The following SDK1 variants were observed in gnomAD, a reference collection of about 807,000 sequenced individuals.
SDK1 encodes protein sidekick-1.
Under a neutral mutation model 245.5 loss-of-function variants are expected in SDK1, and 157 were observed. That is an observed-to-expected ratio of 0.64 (90% CI 0.56 to 0.73). The LOEUF (loss-of-function observed/expected upper bound fraction) is 0.73, where lower values mean the gene tolerates loss of function less well. SDK1 is among the 30% of genes least tolerant of loss of function. The probability of loss-of-function intolerance (pLI) is 0.00; values close to 1 mark genes in which losing one functional copy is unlikely to be tolerated. For synonymous variants in SDK1, 1,647 were observed against 1,278.5 expected, an observed-to-expected ratio of 1.29 and a Z score of -6.15; for missense variants, 3,583 against 3,002.3, an observed-to-expected ratio of 1.19 and a Z score of -4.52.
At chr7:4,133,182 G>A (rs912521615) in intron 28 of SDK1, among the ~76,000 whole-genome samples, 18 of 152,260 alleles carry the variant, frequency 1.2e-4, no homozygotes, top group Middle Eastern at 3.4e-3. Context: ...CCTGGGTCCC[G>A]GGGAACGCGT....
chr7:3,600,000 C>G (rs1249761723), intron 1 of SDK1, among the ~76,000 whole-genome samples: 1 of 152,078 alleles, frequency 6.6e-6, no homozygotes, highest in East Asian at 1.9e-4. Flanking sequence ...TCCATTACAC[C>G]TGTGTGTCTG....
intron 29 of SDK1, among the ~76,000 whole-genome samples, chr7:4,148,320 CAATT>C (rs1009521170): frequency 2.6e-5 from 4 of 151,082 alleles, no homozygotes; most frequent in Admixed American, 6.6e-5. Context: ...TCATGATAAA[CAATT>C]AAACAATTAT....
chr7:3,769,721 GGACT>G (rs1251358797), intron 4 of SDK1, among the ~76,000 whole-genome samples: 3 of 152,004 alleles, frequency 2.0e-5, no homozygotes, highest in Non-Finnish European at 4.4e-5. Context: ...GAGCCTGCCT[GGACT>G]GCCTTCTATG....
At chr7:3,600,169 TC>T (rs1160281251) in intron 1 of SDK1, among the ~76,000 whole-genome samples, 15 of 152,232 alleles carry the variant, frequency 9.9e-5, no homozygotes, top group African/African-American at 3.6e-4. Context: ...AGTATATCAT[TC>T]TCTTTGGAGT....
At chr7:3,355,400 C>G (rs2128559241) in intron 1 of SDK1, among the ~76,000 whole-genome samples, 1 of 152,298 alleles carries the variant, frequency 6.6e-6, no homozygotes, top group South Asian at 2.1e-4. Flanking sequence ...GCCATGGCCT[C>G]CAACTCCTGT....
Position 3,906,617 on chromosome 7 carries a change from C to CTTTT in SDK1, c.848-44281_848-44278dup, listed in dbSNP as rs71032914. Among the ~76,000 whole-genome samples the CTTTT allele has an allele frequency of 3.7e-4, 21 of 57,250 alleles. 3 individuals are homozygous for CTTTT. The highest frequency in any genetic ancestry group is 5.6e-4 in the Non-Finnish European group (18 of 31,992). The allele number at this position is 57,250 out of a possible 152,430, so 37.6% of individuals were successfully genotyped here. A position where few individuals can be genotyped will look rare whatever the true frequency, so the allele number is the denominator to read the frequency against. ...CAAGACACAGGTAGCATTTCAGTGTCTTTTTTTTTTTTTTTTTTTTTTTTT... is the reference window on the plus strand; with the variant it reads ...CAAGACACAGGTAGCATTTCAGTGTCTTTTTTTTTTTTTTTTTTTTTTTTTTTTT... On this transcript the variant is annotated intron_variant, in intron 5 of 44. Coordinates refer to ENST00000404826, the MANE Select transcript of SDK1 (RefSeq NM_152744.4).
At chr7:3,745,686 C>A (rs1003212833) in intron 4 of SDK1, among the ~76,000 whole-genome samples, 1 of 152,102 alleles carries the variant, frequency 6.6e-6, no homozygotes, top group African/African-American at 2.4e-5. Flanking sequence ...TCCCCTGTTG[C>A]ACCCCCTCCC....
At chr7:3,985,097 C>T (rs1783721363) in intron 13 of SDK1, among the ~76,000 whole-genome samples, 1 of 152,216 alleles carries the variant, frequency 6.6e-6, no homozygotes, top group East Asian at 1.9e-4. Context: ...CCCTCTTATC[C>T]CCATGACTGG....
Position 4,178,672 on chromosome 7 carries a change from G to C in SDK1, c.5098+86G>C, listed in dbSNP as rs1782409484. ...GGCACGCTGCGGCCAAGCCCCTCAGGTGTCCAGCAGCGTTCTTTCTCCTTG... is the reference window on the plus strand; with the variant it reads ...GGCACGCTGCGGCCAAGCCCCTCAGCTGTCCAGCAGCGTTCTTTCTCCTTG... On this transcript the variant is annotated intron_variant, in intron 35 of 44. Transcript: ENST00000404826. 3.3e-5 allele frequency: 30 copies of C among 906,520 alleles called. No individual in the cohort carries two copies. The South Asian group carries it at 3.9e-4, about 12-fold the overall frequency. The allele number at this position is 906,520 out of a possible 1,614,324, so 56.2% of individuals were successfully genotyped here.
intron 5 of SDK1, among the ~76,000 whole-genome samples, chr7:3,887,131 C>T (rs1409632268): frequency 6.6e-6 from 1 of 152,184 alleles, no homozygotes; most frequent in Non-Finnish European, 1.5e-5. Context: ...TCATTTCTCA[C>T]CTATACAGCG....
intron 4 of SDK1, among the ~76,000 whole-genome samples, chr7:3,672,443 A>G (rs1054212108): frequency 4.6e-5 from 7 of 151,424 alleles, no homozygotes; most frequent in Admixed American, 4.6e-4. Context: ...CTTGAGGAAA[A>G]AAACAGAGGC....
chr7:3,605,145 AACAC>A (rs3086077), intron 1 of SDK1, among the ~76,000 whole-genome samples: 1 of 147,316 alleles, frequency 6.8e-6, no homozygotes, highest in Non-Finnish European at 1.5e-5. Context: ...AAAAACAAGA[AACAC>A]ACACACACAC....
intron 25 of SDK1, among the ~76,000 whole-genome samples, chr7:4,122,681 T>C (rs1308651772): frequency 6.6e-6 from 1 of 151,650 alleles, no homozygotes; most frequent in Non-Finnish European, 1.5e-5. Context: ...AGCTGCATAG[T>C]GTGAAATCCT....
intron 5 of SDK1, among the ~76,000 whole-genome samples, chr7:3,907,446 C>G (rs780725347): frequency 6.6e-6 from 1 of 152,164 alleles, no homozygotes; most frequent in Non-Finnish European, 1.5e-5. Flanking sequence ...GTGTCAAAAA[C>G]TCATTGCTTT....
chr7:3,637,497 C>G (rs1782497228), intron 2 of SDK1, among the ~76,000 whole-genome samples: 1 of 152,214 alleles, frequency 6.6e-6, no homozygotes, highest in African/African-American at 2.4e-5. Context: ...ACTCTACCAT[C>G]TTGGGCAGCT....
At chr7:4,232,988 C>T in intron 40 of SDK1, 3 of 362,934 alleles carry the variant, frequency 8.3e-6, no homozygotes, top group East Asian at 8.2e-5. Context: ...TATGCATAAC[C>T]TAACGTTTCC....
chr7:3,773,355 T>G (rs899432324), intron 4 of SDK1, among the ~76,000 whole-genome samples: 2 of 152,136 alleles, frequency 1.3e-5, no homozygotes, highest in Non-Finnish European at 2.9e-5. Context: ...TCACTTCAGT[T>G]TTTTTTTCTG....
intron 26 of SDK1, among the ~76,000 whole-genome samples, chr7:4,128,211 G>A (rs1408806943): frequency 2.0e-5 from 3 of 152,186 alleles, no homozygotes; most frequent in African/African-American, 7.2e-5. Context: ...TTGTCTCAGT[G>A]CTGCTCCCTG....
At chr7:3,690,621 TAAGTCACCAGG>T (rs2114995112) in intron 4 of SDK1, among the ~76,000 whole-genome samples, 1 of 152,270 alleles carries the variant, frequency 6.6e-6, no homozygotes, top group Non-Finnish European at 1.5e-5. Context: ...CTTTTACAGA[TAAGTCACCAGG>T]AAGACATCAC....
Sources: gnomAD v4.1 joint callset for allele counts (sites outside exome capture counted in the v4.1 genomes callset) on GRCh38, gnomAD v4.1.1 for gene constraint, MANE v1.5 for transcripts, NCBI Gene and HGNC (gene_info 2026-07-23, HGNC 2026-07-21) for gene names.